The following PRSS12 variants were observed in gnomAD, a reference collection of about 807,000 sequenced individuals.
PRSS12 encodes neurotrypsin.
A neutral mutation model predicts 104.4 loss-of-function variants in PRSS12; 85 were observed. The observed-to-expected ratio is 0.81, with a 90% CI of 0.68 to 0.98. The LOEUF (loss-of-function observed/expected upper bound fraction) is 0.98, where lower values mean the gene tolerates loss of function less well. PRSS12 is among the 50% of genes least tolerant of loss of function. The pLI is 0.00. For synonymous variants in PRSS12, 454 were observed against 425.2 expected (o/e 1.07, Z -0.83); for missense variants, 1,141 against 1,139.2 (o/e 1.00, Z -0.02).
chr4:118,346,012 A>G (rs550776026), intron 1 of PRSS12, among the ~76,000 whole-genome samples: 5 of 152,312 alleles, frequency 3.3e-5, no homozygotes, highest in Admixed American at 6.5e-5. Context: ...TGGGCAAATG[A>G]AATGTGGAAG....
intron 1 of PRSS12, among the ~76,000 whole-genome samples, chr4:118,338,945 G>GA (rs776828708): frequency 6.6e-6 from 1 of 151,958 alleles, no homozygotes. Flanking sequence ...GCTAGTCTTG[G>GA]AAAAATAGCC....
rs1742809225 is a variant in PRSS12, at chr4:118,280,324, C to G, written c.*1612G>C. ...TGCACGTTTTTCTGAAGCCCTTGTG[C>G]AAGTGTGTGTGCCATGTGTAGTTCT... On this transcript the variant is annotated 3_prime_UTR_variant, in exon 13 of 13. Coordinates refer to ENST00000296498, the MANE Select transcript of PRSS12 (RefSeq NM_003619.4). The G allele has an allele frequency of 6.6e-6, 1 of 152,190 alleles. No homozygotes were observed. Among genetic ancestry groups the G allele is most frequent in the African/African-American group, 2.4e-5 (1 of 41,444 alleles). 9.4% of individuals were successfully genotyped at this position (152,190 alleles called of 1,614,324 possible).
chr4:118,306,688 G>C (rs545782085), intron 8 of PRSS12, among the ~76,000 whole-genome samples: 2 of 152,176 alleles, frequency 1.3e-5, no homozygotes, highest in African/African-American at 4.8e-5. Context: ...CCAATATTAT[G>C]GATTACATCT....
chr4:118,292,920 C>T (rs780883068), intron 11 of PRSS12, among the ~76,000 whole-genome samples: 11 of 151,920 alleles, frequency 7.2e-5, no homozygotes, highest in Non-Finnish European at 1.3e-4. Context: ...GAGGCTGACG[C>T]GGGAGAATCC....
chr4:118,348,572 C>G (rs1457904509), intron 1 of PRSS12, among the ~76,000 whole-genome samples: 2 of 152,068 alleles, frequency 1.3e-5, no homozygotes, highest in East Asian at 1.9e-4. Flanking sequence ...TGCATTTTAA[C>G]AAGTCCCAAG....
At chr4:118,319,564 A>G (rs1178214179) in intron 4 of PRSS12, among the ~76,000 whole-genome samples, 1 of 152,180 alleles carries the variant, frequency 6.6e-6, no homozygotes, top group Non-Finnish European at 1.5e-5. Flanking sequence ...ACTACTCTTG[A>G]GCTGGCTACC....
rs368064189 is a variant in PRSS12, at chr4:118,318,332, G to C, written c.1150+46C>G. ...AAGGGAAGCTGTGGCAGGCCGACAT[G>C]GTACTGGGGGCAAGAACTGGTACAC... On this transcript the variant is annotated intron_variant, in intron 5 of 12. Coordinates refer to ENST00000296498, the MANE Select transcript of PRSS12 (RefSeq NM_003619.4). The C allele has an allele frequency of 5.1e-6, 8 of 1,581,720 alleles. No individual in the cohort carries two copies. The African/African-American group carries it at 6.8e-5, about 13-fold the overall frequency.
intron 7 of PRSS12, among the ~76,000 whole-genome samples, chr4:118,311,505 T>C (rs1433097419): frequency 3.9e-5 from 6 of 152,180 alleles, no homozygotes; most frequent in Non-Finnish European, 2.9e-5. Flanking sequence ...TATCTCCTCC[T>C]CTAAGCTTCC....
chr4:118,334,043 G>C (rs1314849676), intron 3 of PRSS12, among the ~76,000 whole-genome samples: 1 of 152,144 alleles, frequency 6.6e-6, no homozygotes, highest in Non-Finnish European at 1.5e-5. Flanking sequence ...AAGACACTAA[G>C]TGTAATTCCC....
intron 8 of PRSS12, among the ~76,000 whole-genome samples, chr4:118,305,192 C>A (rs1743515937): frequency 6.6e-6 from 1 of 150,724 alleles, no homozygotes; most frequent in South Asian, 2.1e-4. Flanking sequence ...TCCAATTTCC[C>A]TTCAGTGGGA....
At chr4:118,312,306 C>A (rs1245526226) in intron 7 of PRSS12, among the ~76,000 whole-genome samples, 1 of 151,930 alleles carries the variant, frequency 6.6e-6, no homozygotes, top group Non-Finnish European at 1.5e-5. Flanking sequence ...TGATTCAATC[C>A]AAGGTTAAAA....
At chr4:118,311,986 T>C (rs191967903) in intron 7 of PRSS12, among the ~76,000 whole-genome samples, 3 of 152,020 alleles carry the variant, frequency 2.0e-5, no homozygotes, top group African/African-American at 7.2e-5. Flanking sequence ...ATCCACCACA[T>C]AATCCTGGGA....
At chr4:118,283,692 C>A (rs570392800) in intron 11 of PRSS12, among the ~76,000 whole-genome samples, 41 of 152,192 alleles carry the variant, frequency 2.7e-4, no homozygotes, top group Non-Finnish European at 4.9e-4. Context: ...ACTTTGACAC[C>A]CTCGTATTTA....
intron 3 of PRSS12, among the ~76,000 whole-genome samples, chr4:118,333,141 T>C (rs1321905242): frequency 1.3e-5 from 2 of 152,154 alleles, no homozygotes; most frequent in Non-Finnish European, 1.5e-5. Flanking sequence ...TTGAACATTA[T>C]GAACAAAAGA....
intron 11 of PRSS12, 123 bp downstream of exon 11, chr4:118,294,816 C>A: frequency 7.3e-7 from 1 of 1,364,214 alleles, no homozygotes; most frequent in Non-Finnish European, 1.0e-6. Flanking sequence ...CACAGGGCTG[C>A]TGGCACAAGC....
At chr4:118,333,374 A>G (rs1723974824) in intron 3 of PRSS12, among the ~76,000 whole-genome samples, 1 of 152,222 alleles carries the variant, frequency 6.6e-6, no homozygotes, top group African/African-American at 2.4e-5. Context: ...TTAAATTCAA[A>G]TATCATATTT....
At chr4:118,296,000 A>C (rs1012381315) in intron 9 of PRSS12, 144 bp from the exon 10 acceptor site, 1 of 758,428 alleles carries the variant, frequency 1.3e-6, no homozygotes, top group African/African-American at 1.8e-5. Context: ...TAACAAAAAT[A>C]GTTTTCTCAT....
intron 1 of PRSS12, among the ~76,000 whole-genome samples, chr4:118,344,785 CATT>C (rs1478261585): frequency 1.3e-5 from 2 of 152,086 alleles, no homozygotes; most frequent in Admixed American, 1.3e-4. Flanking sequence ...TAGTTTAAAA[CATT>C]ATATGATATC....
At chr4:118,283,643 C>T (rs2126025436) in intron 11 of PRSS12, among the ~76,000 whole-genome samples, 1 of 152,336 alleles carries the variant, frequency 6.6e-6, no homozygotes, top group African/African-American at 2.4e-5. Flanking sequence ...CCTTTCCCCT[C>T]TTTTAAATCT....
Sources: allele counts gnomAD v4.1 joint callset (sites outside exome capture counted in the v4.1 genomes callset), GRCh38; gene constraint gnomAD v4.1.1; transcripts MANE v1.5; gene names NCBI Gene and HGNC (gene_info 2026-07-23, HGNC 2026-07-21).